IKBKE: variants seen among roughly 807,000 people sequenced by gnomAD.
The protein encoded by IKBKE is inhibitor of nuclear factor kappa B kinase subunit epsilon, also known as inhibitor of nuclear factor kappa-B kinase subunit epsilon.
Under a neutral mutation model 92.1 loss-of-function variants are expected in IKBKE, and 45 were observed. That is an observed-to-expected ratio of 0.49 (90% CI 0.38 to 0.63). The LOEUF is 0.63. IKBKE is among the 20% of genes least tolerant of loss of function. The pLI, the probability that IKBKE is intolerant of heterozygous loss-of-function variation, is 0.00. For synonymous variants in IKBKE, 374 were observed against 380.3 expected, an observed-to-expected ratio of 0.98 and a Z score of 0.19; for missense variants, 700 against 932.8, an observed-to-expected ratio of 0.75 and a Z score of 3.25.
intron 20 of IKBKE, 37 bp downstream of exon 20, chr1:206,493,415 G>A (rs782162325): frequency 1.4e-6 from 2 of 1,477,544 alleles, no homozygotes; most frequent in South Asian, 2.3e-5. Flanking sequence ...GTATCTGTGT[G>A]GAAGGGGGTT....
chr1:206,494,592 C>CTTTT (rs58971788), intron 21 of IKBKE, among the ~76,000 whole-genome samples: 1,142 of 63,978 alleles, frequency 0.018, 12 homozygotes, highest in Non-Finnish European at 0.023. Context: ...AAAGTTCTTT[C>CTTTT]TTTTTTTTTT....
At position 206,476,751 on chromosome 1, in the gene IKBKE, G is replaced by A. The variant is rs143832955; in HGVS notation, c.614G>A (p.Trp205Ter). The change falls in exon 7 of 22, where the codon TGG (tryptophan) becomes TAG (stop). Residue 205 changes from tryptophan (W) to a stop codon, truncating the protein, a stop_gained. Transcript: ENST00000581977. LOFTEE classifies it high-confidence loss of function. This position sits in a 1 kb window ranked among gnomAD's most constrained non-coding sequence, Gnocchi z 5.1. The stretch of plus-strand genomic sequence containing the variant: ...GCGTTCGGGGTGACTGTGGATCTCT[G>A]GAGCATTGGAGTGACCTTGTACCAT... ...QKAFGVTVDL[W>*]SIGVTLYHAA... The A allele has an allele frequency of 8.7e-6, 14 of 1,614,116 alleles. No individual in the cohort carries two copies. The highest frequency in any genetic ancestry group is 1.3e-5 in the African/African-American group (1 of 74,934).
At chr1:206,492,271 G>A (rs1201094120) in intron 18 of IKBKE, 1 of 370,720 alleles carries the variant, frequency 2.7e-6, no homozygotes, top group African/African-American at 2.1e-5. Context: ...AGGAGTTTTG[G>A]GTTCCGCCTT....
intron 15 of IKBKE, among the ~76,000 whole-genome samples, chr1:206,486,900 G>A (rs1553388923): frequency 6.6e-6 from 1 of 151,414 alleles, no homozygotes; most frequent in African/African-American, 2.4e-5. Context: ...CAGATCTGAG[G>A]CCCTGTCCTT....
At position 206,487,989 on chromosome 1, in the gene IKBKE, A is replaced by G. The variant is rs1558482248; in HGVS notation, c.1692A>G (p.Pro564=). The part of the protein sequence containing the change: ...YKQFKKSRMR[P]GLGYNEEQIH... ...AGTTCAAGAAGTCTAGGATGAGGCC[A>G]GGTGAGCCCGGGGAGGGCAGATGCC... Residue 564 remains proline (P), a splice_region_variant and synonymous_variant, in exon 16 of 22, where the codon CCA becomes CCG. Transcript: ENST00000581977. The surrounding 1 kb of genome is among the most constrained non-coding windows in gnomAD (Gnocchi z 5.3). 1 of 1,612,130 alleles carries G rather than the reference A, an allele frequency of 6.2e-7. No homozygotes were observed. The highest frequency in any genetic ancestry group is 2.2e-5 in the East Asian group (1 of 44,884).
chr1:206,492,391 C>T (rs994210880), intron 18 of IKBKE: 14 of 464,414 alleles, frequency 3.0e-5, no homozygotes, highest in Non-Finnish European at 3.6e-5. Flanking sequence ...TAGGACCTCA[C>T]CTTGTTATGG....
chr1:206,474,843 C>G (rs782329695), intron 4 of IKBKE, 22 bp from the exon 5 acceptor site: 12 of 1,611,990 alleles, frequency 7.4e-6, no homozygotes, highest in Non-Finnish European at 1.0e-5. Context: ...TCCTCATGAG[C>G]CCCTCTCTGT....
At position 206,477,775 on chromosome 1, in the gene IKBKE, C is replaced by G; in HGVS notation, c.728C>G (p.Ala243Gly). The change falls in exon 8 of 22, where the codon GCT (alanine) becomes GGT (glycine). Residue 243 changes from alanine (A) to glycine (G), a missense_variant. Physicochemically the swap from Ala to Gly is moderately conservative, Grantham distance 60 (BLOSUM62 0). Transcript: ENST00000581977. Reference protein sequence around the residue: ...IMYRITTEKPAGAIAGAQRRE... With the variant: ...IMYRITTEKPGGAIAGAQRRE... The stretch of plus-strand genomic sequence containing the variant: ...TACCGGATCACCACGGAGAAGCCGG[C>G]TGGGGCCATTGCAGGTGCCCAGAGG... The G allele has an allele frequency of 6.4e-7, 1 of 1,567,964 alleles. No individual in the cohort carries two copies. Among genetic ancestry groups the G allele is most frequent in the South Asian group, 1.2e-5 (1 of 85,068 alleles).
chr1:206,484,967 A>T (rs782473826), intron 13 of IKBKE, 30 bp from the exon 14 acceptor site: 48 of 1,595,648 alleles, frequency 3.0e-5, no homozygotes, highest in Non-Finnish European at 4.0e-5. Flanking sequence ...TAAGCCCCCA[A>T]ATGTGGCCTT....
At position 206,485,650 on chromosome 1, in the gene IKBKE, G is replaced by A. The variant is rs781955196; in HGVS notation, c.1616+344G>A. Among the ~76,000 whole-genome samples, 5 of 152,160 alleles carry A rather than the reference G, an allele frequency of 3.3e-5. No individual in the cohort carries two copies. The highest frequency in any genetic ancestry group is 6.5e-5 in the Admixed American group (1 of 15,274). ...TAGGTCCTCTCACGTACAGCATCTC[G>A]TTGAATCCTGAAAACAATAATGATG... On this transcript the variant is annotated intron_variant, in intron 15 of 21. Transcript: ENST00000581977. The surrounding 1 kb of genome is among the most constrained non-coding windows in gnomAD (Gnocchi z 5.0).
In IKBKE at chr1:206,496,451, C is replaced by T; in HGVS notation, c.*306C>T. 2.4e-6 allele frequency: 1 copy of T among 419,592 alleles called. No homozygotes were observed. Among genetic ancestry groups the T allele is most frequent in the Non-Finnish European group, 4.3e-6 (1 of 230,396 alleles). 26.0% of individuals were successfully genotyped at this position (419,592 alleles called of 1,614,324 possible). A position where few individuals can be genotyped will look rare whatever the true frequency, so the allele number is the denominator to read the frequency against. On this transcript the variant is annotated 3_prime_UTR_variant, in exon 22 of 22. Coordinates refer to ENST00000581977, the MANE Select transcript of IKBKE (RefSeq NM_014002.4). Reference sequence around the variant, plus strand: ...CTGCTCCTCCATGCCCATGGCTGGGCCGTGGGGAGAAGAAGCTCTCATACG... The same window carrying T: ...CTGCTCCTCCATGCCCATGGCTGGGTCGTGGGGAGAAGAAGCTCTCATACG...
chr1:206,474,783 G>A (rs1553384763), intron 4 of IKBKE, 82 bp from the exon 5 acceptor site: 18 of 1,526,346 alleles, frequency 1.2e-5, no homozygotes, highest in Non-Finnish European at 1.5e-5. Flanking sequence ...GGGGGCTCTG[G>A]GCTCCAGGCT....
chr1:206,475,325 G>GGACA (rs1215916475), intron 5 of IKBKE, among the ~76,000 whole-genome samples: 2 of 152,174 alleles, frequency 1.3e-5, no homozygotes, highest in African/African-American at 4.8e-5. Flanking sequence ...AGACACAGAA[G>GGACA]GACAAATCCT....
rs2103454112 is a variant in IKBKE, at chr1:206,476,187, G to A, written c.365G>A (p.Gly122Asp). 1 of 1,613,924 alleles carries A rather than the reference G, an allele frequency of 6.2e-7. No homozygotes were observed. Among genetic ancestry groups the A allele is most frequent in the Middle Eastern group, 1.7e-4 (1 of 5,990 alleles). The part of the protein sequence containing the change: ...FLVVLRCVVA[G>D]MNHLRENGIV... Reference sequence around the variant, plus strand: ...CCTCCCCGTCTGTCCCCAGTGGCCGGCATGAACCACCTGCGGGAGAACGGC... The same window carrying A: ...CCTCCCCGTCTGTCCCCAGTGGCCGACATGAACCACCTGCGGGAGAACGGC... The change falls in exon 6 of 22, where the codon GGC becomes GAC. Residue 122 changes from glycine to aspartate, a missense_variant. Transcript: ENST00000581977. This position sits in a 1 kb window ranked among gnomAD's most constrained non-coding sequence, Gnocchi z 5.1.
chr1:206,491,253 A>C, intron 17 of IKBKE: 2 of 366,542 alleles, frequency 5.5e-6, no homozygotes, highest in South Asian at 2.9e-5. Context: ...CCCTGATTTA[A>C]TGGTTATCTG....
intron 17 of IKBKE, 28 bp from the exon 18 acceptor site, chr1:206,491,620 T>C: frequency 1.3e-6 from 2 of 1,544,990 alleles, no homozygotes; most frequent in East Asian, 4.5e-5. Flanking sequence ...TGGCAGCTCA[T>C]CTGCACCTTG....
In IKBKE at chr1:206,490,561, G is replaced by T. The variant is rs567247679; in HGVS notation, c.1694-258G>T. Among the ~76,000 whole-genome samples the T allele has an allele frequency of 6.6e-6, 1 of 151,992 alleles. No individual in the cohort carries two copies. The highest frequency in any genetic ancestry group is 6.5e-5 in the Admixed American group (1 of 15,270). ...GAAGCATCCCCCACGTCCCCACCCC[G>T]GCCCTGCACTGCAGGCTGCCTTCCC... is the stretch of plus-strand genomic sequence containing the variant. On this transcript the variant is annotated intron_variant, in intron 16 of 21. Coordinates refer to ENST00000581977, the MANE Select transcript of IKBKE (RefSeq NM_014002.4). The surrounding 1 kb of genome is among the most constrained non-coding windows in gnomAD (Gnocchi z 5.2).
intron 10 of IKBKE, 137 bp downstream of exon 10, chr1:206,479,270 G>T (rs1340410704): frequency 1.3e-5 from 10 of 749,468 alleles, no homozygotes; most frequent in Non-Finnish European, 1.9e-5. Flanking sequence ...GCAGATGTGG[G>T]TTCTAATTCT....
chr1:206,489,924 G>C (rs538567298), intron 16 of IKBKE, among the ~76,000 whole-genome samples: 1 of 152,300 alleles, frequency 6.6e-6, no homozygotes, highest in East Asian at 1.9e-4. Flanking sequence ...AAAACCCAGC[G>C]TGTTGAAAGA....
Sources: allele counts gnomAD v4.1 joint callset (sites outside exome capture counted in the v4.1 genomes callset), GRCh38; gene constraint gnomAD v4.1.1; non-coding constraint Gnocchi (gnomAD v3.1); transcripts MANE v1.5; gene names NCBI Gene and HGNC (gene_info 2026-07-23, HGNC 2026-07-21).